The following SUN5 variants were observed in gnomAD, a reference collection of about 807,000 sequenced individuals.
SUN5 encodes the protein SUN domain-containing protein 5.
Under a neutral mutation model 53.7 loss-of-function variants are expected in SUN5, and 44 were observed. That is an observed-to-expected ratio of 0.82 (90% confidence interval 0.64 to 1.05). The LOEUF is 1.05. Ranked by LOEUF, SUN5 falls within the 50% of genes least tolerant of loss-of-function variation. SUN5 has a pLI of 0.00. For synonymous variants in SUN5, 166 were observed against 179.8 expected (o/e 0.92, Z 0.62); for missense variants, 433 against 483.8 (o/e 0.90, Z 0.98).
intron 5 of SUN5, 47 bp from the exon 6 acceptor site, chr20:32,997,734 AAG>A: frequency 6.2e-7 from 1 of 1,609,698 alleles, no homozygotes; most frequent in Non-Finnish European, 8.5e-7. Flanking sequence ...ATGCAAGATG[AAG>A]AGCCTAGGTG....
chr20:32,996,429 A>G, intron 6 of SUN5, 71 bp from the exon 7 acceptor site: 4 of 1,388,782 alleles, frequency 2.9e-6, no homozygotes, highest in South Asian at 1.2e-5. Flanking sequence ...AACTTCATCC[A>G]TCTATTCTCC....
Position 33,002,681 on chromosome 20 carries a change from G to A in SUN5, c.137-20C>T, listed in dbSNP as rs764994881. The A allele has an allele frequency of 6.2e-7, 1 of 1,613,998 alleles. No individual in the cohort carries two copies. Among genetic ancestry groups the A allele is most frequent in the East Asian group, 2.2e-5 (1 of 44,890 alleles). On this transcript the variant is annotated intron_variant, in intron 2 of 12. Coordinates refer to ENST00000356173, the MANE Select transcript of SUN5 (RefSeq NM_080675.4). ...TGTCATCTGCAGAGAGCACAGGACT[G>A]TCATGTCACTGCCAGCCTCTTGATT...
At chr20:32,985,647 T>C in intron 11 of SUN5, 89 bp downstream of exon 11, 1 of 1,502,888 alleles carries the variant, frequency 6.7e-7, no homozygotes, top group South Asian at 1.3e-5. Context: ...GCAAGTGTTG[T>C]GCAGACACTG....
At chr20:32,995,576 A>G (rs1354328884) in intron 8 of SUN5, 43 bp downstream of exon 8, 1 of 1,552,254 alleles carries the variant, frequency 6.4e-7, no homozygotes. Context: ...GACATCAAAC[A>G]AAGAGAAATT....
chr20:32,984,889 T>G (rs1242799765), intron 12 of SUN5, among the ~76,000 whole-genome samples: 1 of 152,208 alleles, frequency 6.6e-6, no homozygotes, highest in African/African-American at 2.4e-5. Context: ...AAAGGGGACA[T>G]GGCCACAGGC....
chr20:33,003,634 TCA>T (rs1225846125), intron 1 of SUN5, among the ~76,000 whole-genome samples: 2 of 152,224 alleles, frequency 1.3e-5, no homozygotes, highest in African/African-American at 4.8e-5. Flanking sequence ...TTATACCACC[TCA>T]GAGTATTTAT....
At chr20:32,987,215 T>C (rs1989567833) in intron 10 of SUN5, among the ~76,000 whole-genome samples, 1 of 152,210 alleles carries the variant, frequency 6.6e-6, no homozygotes, top group African/African-American at 2.4e-5. Flanking sequence ...TGCTACATAC[T>C]AGTGACCAGC....
intron 9 of SUN5, among the ~76,000 whole-genome samples, chr20:32,989,147 G>A (rs776889225): frequency 6.6e-5 from 10 of 151,496 alleles, no homozygotes; most frequent in East Asian, 5.9e-4. Flanking sequence ...GGATGGTCTC[G>A]ATCTCCTGAC....
At chr20:33,001,089 G>A in intron 4 of SUN5, 123 bp downstream of exon 4, 4 of 1,140,708 alleles carry the variant, frequency 3.5e-6, no homozygotes, top group Non-Finnish European at 5.0e-6. Context: ...ATAAAAGCCA[G>A]GTTTGGGATA....
At chr20:32,999,885 G>A (rs150918676) in intron 5 of SUN5, 189 bp downstream of exon 5, 2 of 1,538,638 alleles carry the variant, frequency 1.3e-6, no homozygotes, top group African/African-American at 2.7e-5. Flanking sequence ...TATAACTTCT[G>A]AAGCATTTCT....
chr20:32,997,945 T>C (rs1989895456), intron 5 of SUN5, among the ~76,000 whole-genome samples: 1 of 152,140 alleles, frequency 6.6e-6, no homozygotes, highest in Non-Finnish European at 1.5e-5. Flanking sequence ...GGCTCCCCCT[T>C]CCCTGTTCCA....
rs538819625 is a variant in SUN5 at position 32,995,314 on chromosome 20, C to A, written c.534+305G>T. On this transcript the variant is annotated intron_variant, in intron 8 of 12. Transcript: ENST00000356173. ...CAATAATAAGAGTGCCATTAGACTT[C>A]TCATTAGCAACAGTATAAACTATAA... Among the ~76,000 whole-genome samples the A allele has an allele frequency of 3.4e-4, 52 of 152,282 alleles. 2 individuals are homozygous for A. The highest frequency in any genetic ancestry group is 3.3e-3 in the Admixed American group (51 of 15,302).
chr20:32,994,236 T>C (rs1221111890), intron 8 of SUN5, among the ~76,000 whole-genome samples: 1 of 152,220 alleles, frequency 6.6e-6, no homozygotes, highest in Admixed American at 6.5e-5. Flanking sequence ...TAGATAGAAG[T>C]GACCAGTCTA....
At chr20:32,999,014 G>A (rs1600500176) in intron 5 of SUN5, among the ~76,000 whole-genome samples, 1 of 152,066 alleles carries the variant, frequency 6.6e-6, no homozygotes, top group East Asian at 1.9e-4. Context: ...CAGCCTAAGT[G>A]ACAGAGACAG....
In SUN5 at chr20:32,985,910, G is replaced by A. The variant is rs780579058; in HGVS notation, c.730-7C>T. Reference sequence around the variant, plus strand: ...TGCCAGGTGTCACGTTGGGCTAGAAGAGGCAAGTACAATAAGGGATATGCT... The same window carrying A: ...TGCCAGGTGTCACGTTGGGCTAGAAAAGGCAAGTACAATAAGGGATATGCT... On this transcript the variant is annotated splice_region_variant and splice_polypyrimidine_tract_variant and intron_variant, in intron 10 of 12. Transcript: ENST00000356173. 2.5e-6 allele frequency: 4 copies of A among 1,613,166 alleles called. No individual in the cohort carries two copies. Among genetic ancestry groups the A allele is most frequent in the African/African-American group, 2.7e-5 (2 of 74,916 alleles).
At position 33,004,385 on chromosome 20, in the gene SUN5, A is replaced by G. The variant is rs191582267; in HGVS notation, c.-45T>C. 2.6e-6 allele frequency: 4 copies of G among 1,520,746 alleles called. No homozygotes were observed. The highest frequency in any genetic ancestry group is 1.7e-4 in the Middle Eastern group (1 of 5,838). The allele number at this position is 1,520,746 out of a possible 1,614,324, so 94.2% of individuals were successfully genotyped here. On this transcript the variant is annotated 5_prime_UTR_variant, in exon 1 of 13. Coordinates refer to ENST00000356173, the MANE Select transcript of SUN5 (RefSeq NM_080675.4). ...TGGGGATGGAGATGGGAACTCTGGG[A>G]GCTGGTGAGGAGGAAGGGGCTGATG...
At chr20:32,995,115 G>A (rs1989810619) in intron 8 of SUN5, among the ~76,000 whole-genome samples, 1 of 152,138 alleles carries the variant, frequency 6.6e-6, no homozygotes, top group African/African-American at 2.4e-5. Context: ...ATAATGGAAA[G>A]AAGAAATATT....
At position 32,984,071 on chromosome 20, in the gene SUN5, G is replaced by C. The variant is rs1440828342; in HGVS notation, c.985-122C>G. On this transcript the variant is annotated intron_variant, in intron 12 of 12. Coordinates refer to ENST00000356173, the MANE Select transcript of SUN5 (RefSeq NM_080675.4). ...TGGGAAAACTAAGGCCCAGACAGGA[G>C]GATGGACTGTCCCAAGGCCTCACAG... The C allele has an allele frequency of 2.3e-5, 29 of 1,278,464 alleles. No homozygotes were observed. In the South Asian group the frequency reaches 5.0e-4, roughly 22 times the overall value. 79.2% of individuals were successfully genotyped at this position (1,278,464 alleles called of 1,614,324 possible).
At position 32,987,774 on chromosome 20, in the gene SUN5, C is replaced by A. The variant is rs1989587091; in HGVS notation, c.615G>T (p.Gly205=). Reference sequence around the variant, plus strand: ...ACGTGTGCTCAAAGTCAATGCTGGCCCCTGTATAGGAGAAGGGGGTCTCAG... The same window carrying A: ...ACGTGTGCTCAAAGTCAATGCTGGCACCTGTATAGGAGAAGGGGGTCTCAG... ...EKPDFALKSI[G]ASIDFEHTSV... The change falls in exon 10 of 13, where the codon GGG becomes GGT. Residue 205 remains glycine (G), a splice_region_variant and synonymous_variant. Coordinates refer to ENST00000356173, the MANE Select transcript of SUN5 (RefSeq NM_080675.4). 1 of 1,610,864 alleles carries A rather than the reference C, an allele frequency of 6.2e-7. No homozygotes were observed. Among genetic ancestry groups the A allele is most frequent in the Non-Finnish European group, 8.5e-7 (1 of 1,178,778 alleles).
Sources: gnomAD v4.1 joint callset for allele counts (sites outside exome capture counted in the v4.1 genomes callset) on GRCh38, gnomAD v4.1.1 for gene constraint, MANE v1.5 for transcripts, NCBI Gene and HGNC (gene_info 2026-07-23, HGNC 2026-07-21) for gene names.